Variants in CTNNA3 observed in about 807,000 individuals in gnomAD.
CTNNA3 encodes the protein catenin alpha 3.
CTNNA3 carries 76 observed loss-of-function variants against 95.7 expected under a neutral mutation model. The observed-to-expected ratio is 0.79, with a 90% CI of 0.66 to 0.96. The LOEUF is 0.96. Among genes scored for constraint, CTNNA3 ranks in the 40% least tolerant of loss-of-function variants. The pLI, the probability that CTNNA3 is intolerant of heterozygous loss-of-function variation, is 0.00. For missense variants in CTNNA3, 1,191 were observed against 1,089.8 expected, an observed-to-expected ratio of 1.09 and a Z score of -1.31; for synonymous variants, 431 against 374.4, an observed-to-expected ratio of 1.15 and a Z score of -1.74.
chr10:66,690,571 C>T (rs1454242383), intron 9 of CTNNA3, among the ~76,000 whole-genome samples: 4 of 150,876 alleles, frequency 2.7e-5, no homozygotes, highest in East Asian at 2.0e-4. Context: ...TGAGAATATG[C>T]GGTGTTTGGT....
intron 5 of CTNNA3, among the ~76,000 whole-genome samples, chr10:67,347,738 G>T (rs1308740070): frequency 6.7e-6 from 1 of 149,354 alleles, no homozygotes; most frequent in Non-Finnish European, 1.5e-5. Context: ...AGAAAAATCT[G>T]GTTTTTTTAA....
chr10:67,429,902 G>A (rs1286120363), intron 5 of CTNNA3, among the ~76,000 whole-genome samples: 1 of 151,856 alleles, frequency 6.6e-6, no homozygotes, highest in African/African-American at 2.4e-5. Flanking sequence ...CAAAAAAAGT[G>A]TGCTGAGAAA....
At chr10:66,267,422 T>C (rs1027612657) in intron 13 of CTNNA3, among the ~76,000 whole-genome samples, 1 of 152,158 alleles carries the variant, frequency 6.6e-6, no homozygotes, top group African/African-American at 2.4e-5. Context: ...TTTGCATAAT[T>C]TTCTCCATGG....
chr10:67,553,838 C>T (rs1054988070), intron 3 of CTNNA3, among the ~76,000 whole-genome samples: 12 of 151,706 alleles, frequency 7.9e-5, no homozygotes, highest in Admixed American at 4.6e-4. Context: ...TATACATGTG[C>T]CATGTTGGTG....
intron 5 of CTNNA3, among the ~76,000 whole-genome samples, chr10:67,297,174 T>C (rs980559241): frequency 1.3e-5 from 2 of 152,152 alleles, no homozygotes; most frequent in Non-Finnish European, 2.9e-5. Context: ...TTTGACCACC[T>C]GAAAACTGAG....
At chr10:66,704,749 A>G (rs1848063430) in intron 9 of CTNNA3, among the ~76,000 whole-genome samples, 1 of 152,176 alleles carries the variant, frequency 6.6e-6, no homozygotes, top group Admixed American at 6.6e-5. Flanking sequence ...AGGTGTTCCA[A>G]AAAGCATCTT....
intron 7 of CTNNA3, among the ~76,000 whole-genome samples, chr10:67,092,500 C>A (rs1229312573): frequency 6.6e-6 from 1 of 151,746 alleles, no homozygotes; most frequent in Non-Finnish European, 1.5e-5. Flanking sequence ...CTTGAGTGAC[C>A]TTAACCAAAT....
intron 5 of CTNNA3, among the ~76,000 whole-genome samples, chr10:67,359,473 A>G (rs1842925227): frequency 1.3e-5 from 2 of 152,114 alleles, no homozygotes; most frequent in African/African-American, 4.8e-5. Flanking sequence ...TTGAAAGCCA[A>G]TCCAAGGAAG....
At position 67,617,193 on chromosome 10, in the gene CTNNA3, A is replaced by G. The variant is rs554835313; in HGVS notation, c.100-10144T>C. On this transcript the variant is annotated intron_variant, in intron 2 of 17. Coordinates refer to ENST00000433211, the MANE Select transcript of CTNNA3 (RefSeq NM_013266.4). ...CTCACGTCATGAAAAGTTGTTGTAC[A>G]GATTATTTCATCACCCAGGTATGAA... 2.0e-4 allele frequency among the ~76,000 whole-genome samples: 30 copies of G among 152,328 alleles called. No homozygotes were observed. In the East Asian group the frequency reaches 5.0e-3, roughly 25 times the overall value.
chr10:67,472,939 T>A (rs1847881979), intron 5 of CTNNA3, among the ~76,000 whole-genome samples: 1 of 152,158 alleles, frequency 6.6e-6, no homozygotes, highest in African/African-American at 2.4e-5. Flanking sequence ...GTTGATCACG[T>A]TCCCCTTTTA....
chr10:66,296,649 T>G (rs1263185531), intron 12 of CTNNA3, among the ~76,000 whole-genome samples: 1 of 151,968 alleles, frequency 6.6e-6, no homozygotes, highest in African/African-American at 2.4e-5. Flanking sequence ...AAATCATGCC[T>G]GTTGATTGAT....
At chr10:66,673,463 A>C (rs1846736733) in intron 9 of CTNNA3, among the ~76,000 whole-genome samples, 1 of 152,122 alleles carries the variant, frequency 6.6e-6, no homozygotes, top group South Asian at 2.1e-4. Flanking sequence ...ACATTACAAC[A>C]TTGTAAAAGT....
Position 66,422,240 on chromosome 10 carries a change from G to T in CTNNA3, c.1532-42888C>A, listed in dbSNP as rs1184165799. ...CAATTTTTAATGCTGATCACAAATTGCTCAAAATGAAACTAATAAGATTTG... is the reference window on the plus strand; with the variant it reads ...CAATTTTTAATGCTGATCACAAATTTCTCAAAATGAAACTAATAAGATTTG... On this transcript the variant is annotated intron_variant, in intron 11 of 17. Coordinates refer to ENST00000433211, the MANE Select transcript of CTNNA3 (RefSeq NM_013266.4). Among the ~76,000 whole-genome samples the T allele has an allele frequency of 5.3e-5, 8 of 152,138 alleles. No individual in the cohort carries two copies. The East Asian group carries it at 1.2e-3, about 22-fold the overall frequency.
chr10:65,926,926 T>C (rs1381594830), intron 17 of CTNNA3, among the ~76,000 whole-genome samples: 1 of 152,232 alleles, frequency 6.6e-6, no homozygotes, highest in East Asian at 1.9e-4. Context: ...GACTTGCACA[T>C]ACAGACATTG....
chr10:66,428,706 G>A (rs142137120), intron 11 of CTNNA3, among the ~76,000 whole-genome samples: 17,865 of 152,028 alleles, frequency 0.12, 1,526 homozygotes, highest in African/African-American at 0.24. Context: ...TGAAACCAAC[G>A]AGAACAAAGA....
chr10:66,926,663 C>T, intron 7 of CTNNA3: 2 of 1,509,658 alleles, frequency 1.3e-6, no homozygotes, highest in Non-Finnish European at 1.8e-6. Context: ...AATAATTCTG[C>T]CTTAATTATT....
intron 2 of CTNNA3, among the ~76,000 whole-genome samples, chr10:67,615,144 A>C (rs1350172039): frequency 1.3e-5 from 2 of 152,240 alleles, no homozygotes; most frequent in Non-Finnish European, 2.9e-5. Flanking sequence ...CAAGTGATAC[A>C]AAAAGTGTAA....
At chr10:67,032,507 G>A (rs1194541446) in intron 7 of CTNNA3, among the ~76,000 whole-genome samples, 1 of 152,180 alleles carries the variant, frequency 6.6e-6, no homozygotes, top group Non-Finnish European at 1.5e-5. Context: ...TATAGTTAAT[G>A]AGAAGATATC....
chr10:67,638,495 T>G (rs1021567065), intron 2 of CTNNA3, among the ~76,000 whole-genome samples: 2 of 152,216 alleles, frequency 1.3e-5, no homozygotes, highest in African/African-American at 4.8e-5. Context: ...AACTCAGCTC[T>G]GCACCAAGAG....
Sources: gnomAD v4.1 joint callset for allele counts (sites outside exome capture counted in the v4.1 genomes callset) on GRCh38, gnomAD v4.1.1 for gene constraint, MANE v1.5 for transcripts, NCBI Gene and HGNC (gene_info 2026-07-23, HGNC 2026-07-21) for gene names.